PPP3CA: variants seen among roughly 807,000 people sequenced by gnomAD.
PPP3CA encodes the protein CAM-PRP catalytic subunit.
A neutral mutation model predicts 66.5 loss-of-function variants in PPP3CA; 14 were observed. That is an observed-to-expected ratio of 0.21 (90% confidence interval 0.14 to 0.33). The LOEUF (loss-of-function observed/expected upper bound fraction) is 0.33, where lower values mean the gene tolerates loss of function less well. PPP3CA is among the 10% of genes least tolerant of loss of function. The pLI, the probability that PPP3CA is intolerant of heterozygous loss-of-function variation, is 1.00. For missense variants in PPP3CA, 317 were observed against 639.5 expected, an observed-to-expected ratio of 0.50 and a Z score of 5.44; for synonymous variants, 232 against 226.2, an observed-to-expected ratio of 1.03 and a Z score of -0.23.
At chr4:101,249,016 C>T (rs1189983319) in intron 1 of PPP3CA, among the ~76,000 whole-genome samples, 1 of 151,352 alleles carries the variant, frequency 6.6e-6, no homozygotes, top group African/African-American at 2.4e-5. Flanking sequence ...AAAAATTAGC[C>T]GGGCGCGGTG....
intron 2 of PPP3CA, among the ~76,000 whole-genome samples, chr4:101,193,795 A>G (rs962114756): frequency 2.6e-5 from 4 of 152,114 alleles, no homozygotes; most frequent in Non-Finnish European, 4.4e-5. Flanking sequence ...ACTTTAAAAA[A>G]TGCTAAAAGA....
At chr4:101,163,268 C>T (rs1284106604) in intron 2 of PPP3CA, among the ~76,000 whole-genome samples, 3 of 152,122 alleles carry the variant, frequency 2.0e-5, no homozygotes, top group Non-Finnish European at 2.9e-5. Context: ...TATTCCTCTG[C>T]TTTTTCTAAA....
At position 101,183,736 on chromosome 4, in the gene PPP3CA, A is replaced by G. The variant is rs182095786; in HGVS notation, c.259+12180T>C. On this transcript the variant is annotated intron_variant, in intron 2 of 13. Transcript: ENST00000394854. ...TGCATCTCATCCCTTTTCTTGATCC[A>G]AGTTTTTTTATTTGATGTTGTGTGA... Among the ~76,000 whole-genome samples the G allele has an allele frequency of 2.9e-3, 439 of 152,220 alleles. 6 individuals are homozygous for G. The highest frequency in any genetic ancestry group is 9.6e-3 in the African/African-American group (399 of 41,566).
At chr4:101,240,913 AT>A (rs766220332) in intron 1 of PPP3CA, 1 of 151,590 alleles carries the variant, frequency 6.6e-6, no homozygotes, top group African/African-American at 2.4e-5. Flanking sequence ...TTTCTTTTTT[AT>A]TTTTGAGACA....
intron 8 of PPP3CA, among the ~76,000 whole-genome samples, chr4:101,067,202 C>T (rs1728716905): frequency 6.6e-6 from 1 of 152,182 alleles, no homozygotes; most frequent in Non-Finnish European, 1.5e-5. Flanking sequence ...ATCTGGAAGA[C>T]TGACTGCCAG....
Position 101,218,919 on chromosome 4 carries a change from C to A in PPP3CA, c.59-22803G>T, listed in dbSNP as rs117512972. Among the ~76,000 whole-genome samples the A allele has an allele frequency of 1.1e-4, 16 of 152,178 alleles. No homozygotes were observed. The East Asian group carries it at 2.9e-3, about 28-fold the overall frequency. ...CACTATTTGTACTCCATAGTTTTTA[C>A]TGGCTATCCACATACTTCTTCCCAG... On this transcript the variant is annotated intron_variant, in intron 1 of 13. Coordinates refer to ENST00000394854, the MANE Select transcript of PPP3CA (RefSeq NM_000944.5).
At chr4:101,296,730 C>G (rs933723679) in intron 1 of PPP3CA, among the ~76,000 whole-genome samples, 1 of 151,996 alleles carries the variant, frequency 6.6e-6, no homozygotes, top group African/African-American at 2.4e-5. Flanking sequence ...AATAAAAGTT[C>G]ATTTATTACA....
chr4:101,174,846 T>TA (rs1292638176), intron 2 of PPP3CA, among the ~76,000 whole-genome samples: 1 of 152,142 alleles, frequency 6.6e-6, no homozygotes, highest in Non-Finnish European at 1.5e-5. Flanking sequence ...TGACAGGTAC[T>TA]AACTCACTTA....
chr4:101,035,351 GA>G (rs1727197519), intron 11 of PPP3CA, among the ~76,000 whole-genome samples: 1 of 152,104 alleles, frequency 6.6e-6, no homozygotes, highest in African/African-American at 2.4e-5. Context: ...AATGCTCTGA[GA>G]AAGCCAAGTA....
intron 1 of PPP3CA, among the ~76,000 whole-genome samples, chr4:101,257,325 TGA>T (rs1434620190): frequency 7.3e-6 from 1 of 136,628 alleles, no homozygotes; most frequent in African/African-American, 2.8e-5. Context: ...TCTACATGTA[TGA>T]GACTTTTTTT....
intron 1 of PPP3CA, among the ~76,000 whole-genome samples, chr4:101,242,755 C>T (rs1203273221): frequency 6.6e-6 from 1 of 152,054 alleles, no homozygotes; most frequent in Non-Finnish European, 1.5e-5. Flanking sequence ...AGCAAGACCC[C>T]TGTCTCTACA....
chr4:101,115,164 T>A (rs1721801746), intron 2 of PPP3CA, among the ~76,000 whole-genome samples: 1 of 152,030 alleles, frequency 6.6e-6, no homozygotes, highest in Non-Finnish European at 1.5e-5. Flanking sequence ...TGTAGTTAGC[T>A]GAGTAAGCTC....
At chr4:101,029,428 T>C (rs1156303762) in intron 12 of PPP3CA, among the ~76,000 whole-genome samples, 1 of 150,724 alleles carries the variant, frequency 6.6e-6, no homozygotes, top group Admixed American at 6.6e-5. Context: ...TACGCCTATC[T>C]GAATTAAATG....
intron 1 of PPP3CA, among the ~76,000 whole-genome samples, chr4:101,272,792 T>C (rs531195350): frequency 1.3e-5 from 2 of 152,340 alleles, no homozygotes; most frequent in East Asian, 1.9e-4. Context: ...TCATATCTTC[T>C]TAATGGAAAA....
chr4:101,298,912 G>A (rs1326327062), intron 1 of PPP3CA, among the ~76,000 whole-genome samples: 3 of 150,936 alleles, frequency 2.0e-5, no homozygotes, highest in African/African-American at 7.3e-5. Context: ...GCTTTATGAT[G>A]GGGATATGCT....
intron 1 of PPP3CA, among the ~76,000 whole-genome samples, chr4:101,230,792 A>C (rs1488350635): frequency 6.6e-6 from 1 of 151,750 alleles, no homozygotes; most frequent in Non-Finnish European, 1.5e-5. Flanking sequence ...TCTGCTTTCT[A>C]GTCTCACCTT....
At chr4:101,064,117 C>G (rs1728585918) in intron 8 of PPP3CA, among the ~76,000 whole-genome samples, 1 of 151,924 alleles carries the variant, frequency 6.6e-6, no homozygotes, top group Non-Finnish European at 1.5e-5. Flanking sequence ...GTGCTTCTAT[C>G]TGACTCTATC....
At chr4:101,113,832 C>G (rs1469629101) in intron 2 of PPP3CA, among the ~76,000 whole-genome samples, 1 of 152,116 alleles carries the variant, frequency 6.6e-6, no homozygotes, top group Non-Finnish European at 1.5e-5. Flanking sequence ...TACTGGTGTC[C>G]AAAGAGCAGC....
rs1729703994 is a variant in PPP3CA, at chr4:101,338,393, A to G, written c.58+8346T>C. Among the ~76,000 whole-genome samples the G allele has an allele frequency of 1.3e-5, 2 of 152,252 alleles. 1 individual carries two copies. Among genetic ancestry groups the G allele is most frequent in the South Asian group, 4.1e-4 (2 of 4,834 alleles). On this transcript the variant is annotated intron_variant, in intron 1 of 13. Coordinates refer to ENST00000394854, the MANE Select transcript of PPP3CA (RefSeq NM_000944.5). ...TACTGATCACGATTTAAGATTGACA[A>G]AATTTCAAAACATAAAGGAACCCCA...
Sources: gnomAD v4.1 joint callset for allele counts (sites outside exome capture counted in the v4.1 genomes callset) on GRCh38, gnomAD v4.1.1 for gene constraint, MANE v1.5 for transcripts, NCBI Gene and HGNC (gene_info 2026-07-23, HGNC 2026-07-21) for gene names.